Variants in SAMD4A observed in about 807,000 individuals in gnomAD.
The protein encoded by SAMD4A is sterile alpha motif domain containing 4A.
SAMD4A carries 33 observed loss-of-function variants against 81.3 expected under a neutral mutation model. The ratio of observed to expected loss-of-function variants is 0.41; its 90% CI spans 0.31 to 0.54. SAMD4A has a LOEUF of 0.54. Among genes scored for constraint, SAMD4A ranks in the 20% least tolerant of loss-of-function variants. The pLI is 0.37. For synonymous variants in SAMD4A, 389 were observed against 382.1 expected (o/e 1.02, Z -0.21); for missense variants, 854 against 951.1 (o/e 0.90, Z 1.34).
chr14:54,603,021 T>C (rs991235527), intron 2 of SAMD4A, among the ~76,000 whole-genome samples: 3 of 152,182 alleles, frequency 2.0e-5, no homozygotes, highest in Non-Finnish European at 4.4e-5. Flanking sequence ...ACATTAGAGT[T>C]TGAGGAACAC....
At chr14:54,626,015 G>GGT (rs71446501) in intron 2 of SAMD4A, among the ~76,000 whole-genome samples, 2,211 of 131,744 alleles carry the variant, frequency 0.017, 28 homozygotes, top group Middle Eastern at 0.019. Flanking sequence ...TCTACTGCTA[G>GGT]GTGTGTGTGT....
chr14:54,740,014 AC>A (rs1240771816), intron 4 of SAMD4A, among the ~76,000 whole-genome samples: 10 of 152,154 alleles, frequency 6.6e-5, no homozygotes, highest in African/African-American at 2.4e-4. Context: ...CACTAAAAAT[AC>A]AAAAATTAGT....
At chr14:54,653,708 T>C (rs1026326417) in intron 2 of SAMD4A, among the ~76,000 whole-genome samples, 3 of 152,128 alleles carry the variant, frequency 2.0e-5, no homozygotes, top group Admixed American at 6.5e-5. Flanking sequence ...GAGGCAATAA[T>C]TGGATCAGAA....
At chr14:54,614,657 G>A (rs1424929148) in intron 2 of SAMD4A, among the ~76,000 whole-genome samples, 3 of 152,170 alleles carry the variant, frequency 2.0e-5, no homozygotes, top group African/African-American at 4.8e-5. Context: ...GTTTCAGGTT[G>A]CCTATAATAG....
chr14:54,730,453 C>T (rs192886663), intron 3 of SAMD4A, among the ~76,000 whole-genome samples: 2 of 152,324 alleles, frequency 1.3e-5, no homozygotes, highest in African/African-American at 4.8e-5. Flanking sequence ...ACATCCCGTC[C>T]ACCAACCACA....
chr14:54,737,536 C>A (rs1442785477), intron 4 of SAMD4A, among the ~76,000 whole-genome samples: 1 of 104,562 alleles, frequency 9.6e-6, no homozygotes, highest in Non-Finnish European at 1.9e-5. Context: ...CACTCTCTCT[C>A]TCTCTCTTTT....
intron 2 of SAMD4A, among the ~76,000 whole-genome samples, chr14:54,631,709 T>C (rs2034907228): frequency 6.6e-6 from 1 of 152,196 alleles, no homozygotes; most frequent in Admixed American, 6.5e-5. Flanking sequence ...TCTAAATCTC[T>C]CCTGCTTTTT....
chr14:54,648,546 T>C (rs1449158068), intron 2 of SAMD4A, among the ~76,000 whole-genome samples: 1 of 152,244 alleles, frequency 6.6e-6, no homozygotes, highest in Non-Finnish European at 1.5e-5. Context: ...ATCAATTTAA[T>C]GTTTGCAGAG....
chr14:54,670,969 T>C (rs2035868617), intron 2 of SAMD4A, among the ~76,000 whole-genome samples: 1 of 152,068 alleles, frequency 6.6e-6, no homozygotes, highest in Admixed American at 6.5e-5. Flanking sequence ...CTTTTTCCCC[T>C]CCTTCCACCG....
intron 2 of SAMD4A, among the ~76,000 whole-genome samples, chr14:54,635,161 A>T (rs2035004138): frequency 6.6e-6 from 1 of 152,180 alleles, no homozygotes; most frequent in Admixed American, 6.5e-5. Context: ...TGTGGCTCAC[A>T]CTTGTAATCC....
chr14:54,789,216 G>T lies in SAMD4A; in HGVS notation c.*272G>T, dbSNP rs755619004. 2.8e-5 allele frequency: 15 copies of T among 527,364 alleles called. No individual in the cohort carries two copies. The East Asian group carries it at 3.3e-4, about 12-fold the overall frequency. The allele number at this position is 527,364 out of a possible 1,614,324, so 32.7% of individuals were successfully genotyped here. A position where few individuals can be genotyped will look rare whatever the true frequency, so the allele number is the denominator to read the frequency against. On this transcript the variant is annotated 3_prime_UTR_variant, in exon 13 of 13. Transcript: ENST00000554335. Reference sequence around the variant, plus strand: ...CTCTAGGGAATTATGAGACTGGGAGGGGGGTGGAGGGAATGCAGGTAGCTC... The same window carrying T: ...CTCTAGGGAATTATGAGACTGGGAGTGGGGTGGAGGGAATGCAGGTAGCTC...
At chr14:54,763,996 G>A (rs2038472608) in intron 7 of SAMD4A, among the ~76,000 whole-genome samples, 1 of 152,176 alleles carries the variant, frequency 6.6e-6, no homozygotes, top group South Asian at 2.1e-4. Context: ...TCTCCAGGAG[G>A]TGCCAGCTCG....
chr14:54,565,948 C>G (rs919834976), upstream of SAMD4A, among the ~76,000 whole-genome samples: 1 of 152,104 alleles, frequency 6.6e-6, no homozygotes, highest in Non-Finnish European at 1.5e-5. The surrounding 1 kb of genome is among the most constrained non-coding windows in gnomAD (Gnocchi z 5.4). Flanking sequence ...ATCCGTCCCC[C>G]CGCCCTGCGC....
chr14:54,776,842 G>C (rs2038863657), intron 11 of SAMD4A, among the ~76,000 whole-genome samples: 1 of 146,014 alleles, frequency 6.8e-6, no homozygotes, highest in Non-Finnish European at 1.5e-5. Flanking sequence ...GGAGGTGGGA[G>C]GGCTCCATGT....
intron 3 of SAMD4A, among the ~76,000 whole-genome samples, chr14:54,731,945 T>C (rs1035052432): frequency 2.0e-5 from 3 of 152,154 alleles, no homozygotes; most frequent in Non-Finnish European, 4.4e-5. Context: ...AGCCTGGAAA[T>C]AGTTCAAAAC....
In SAMD4A at chr14:54,680,206, A is replaced by G. The variant is rs145500298; in HGVS notation, c.197-21856A>G. On this transcript the variant is annotated intron_variant, in intron 2 of 12. Transcript: ENST00000554335. ...TTCATGTAGTTGTAGACTAAGAACT[A>G]TATAAGTGAAAATTAACAGTATTGG... Among the ~76,000 whole-genome samples the G allele has an allele frequency of 1.9e-3, 295 of 152,380 alleles. 7 individuals carry two copies. In the South Asian group the frequency reaches 0.034, roughly 17 times the overall value.
intron 2 of SAMD4A, among the ~76,000 whole-genome samples, chr14:54,588,283 A>G (rs181224887): frequency 6.6e-6 from 1 of 151,912 alleles, no homozygotes; most frequent in Admixed American, 6.6e-5. Context: ...TTCTTGGTTA[A>G]TCTCGCTAAT....
At chr14:54,720,454 G>A (rs2037232405) in intron 3 of SAMD4A, among the ~76,000 whole-genome samples, 2 of 151,860 alleles carry the variant, frequency 1.3e-5, no homozygotes, top group Non-Finnish European at 2.9e-5. Context: ...ACCACAGAGA[G>A]ATCAGATAGG....
At chr14:54,581,283 A>G (rs1034264178) in intron 2 of SAMD4A, among the ~76,000 whole-genome samples, 3 of 152,256 alleles carry the variant, frequency 2.0e-5, no homozygotes, top group African/African-American at 4.8e-5. Flanking sequence ...TGGGATACAA[A>G]TTCAGGAATG....
Sources: gnomAD v4.1 joint callset for allele counts (sites outside exome capture counted in the v4.1 genomes callset) on GRCh38, gnomAD v4.1.1 for gene constraint, Gnocchi (gnomAD v3.1) non-coding constraint, MANE v1.5 for transcripts, NCBI Gene and HGNC (gene_info 2026-07-23, HGNC 2026-07-21) for gene names.